SNX9: variants seen among roughly 807,000 people sequenced by gnomAD.
The protein encoded by SNX9 is sorting nexin-9.
Under a neutral mutation model 89.4 loss-of-function variants are expected in SNX9, and 44 were observed. The observed-to-expected ratio is 0.49, with a 90% CI of 0.39 to 0.63. SNX9 has a LOEUF of 0.63. Ranked by LOEUF, SNX9 falls within the 30% of genes least tolerant of loss-of-function variation. The pLI is 0.00. For missense variants in SNX9, 578 were observed against 736.1 expected, an observed-to-expected ratio of 0.79 and a Z score of 2.49; for synonymous variants, 236 against 247.8, an observed-to-expected ratio of 0.95 and a Z score of 0.45.
At chr6:157,914,077 A>G (rs1783407830) in intron 9 of SNX9, among the ~76,000 whole-genome samples, 1 of 152,222 alleles carries the variant, frequency 6.6e-6, no homozygotes, top group Admixed American at 6.5e-5. Context: ...TGTTTTTCAA[A>G]GAAGCTATAC....
intron 1 of SNX9, among the ~76,000 whole-genome samples, chr6:157,866,286 T>C (rs989021200): frequency 1.3e-5 from 2 of 152,136 alleles, no homozygotes; most frequent in African/African-American, 4.8e-5. Context: ...TTATATGAAA[T>C]AAAAATTTCA....
chr6:157,917,250 T>C (rs1783491146), intron 9 of SNX9, among the ~76,000 whole-genome samples: 1 of 152,108 alleles, frequency 6.6e-6, no homozygotes, highest in Non-Finnish European at 1.5e-5. Context: ...TTGTCACCTC[T>C]CTTTTTTTCT....
At chr6:157,897,732 T>C (rs1342660291) in intron 5 of SNX9, among the ~76,000 whole-genome samples, 1 of 152,126 alleles carries the variant, frequency 6.6e-6, no homozygotes, top group East Asian at 1.9e-4. Flanking sequence ...GCCAGGCTGG[T>C]CTCAAACTCC....
chr6:157,863,419 G>A (rs184634443), intron 1 of SNX9, among the ~76,000 whole-genome samples: 17 of 152,312 alleles, frequency 1.1e-4, no homozygotes, highest in Admixed American at 4.6e-4. Context: ...GAACAGATAC[G>A]TGAGATTGAT....
chr6:157,942,456 A>G (rs1270333180), intron 17 of SNX9, among the ~76,000 whole-genome samples: 3 of 152,230 alleles, frequency 2.0e-5, no homozygotes, highest in Non-Finnish European at 4.4e-5. Flanking sequence ...TCCAGGAAAG[A>G]GGGGGCTCTA....
At chr6:157,860,916 C>T (rs531615510) in intron 1 of SNX9, among the ~76,000 whole-genome samples, 1 of 152,180 alleles carries the variant, frequency 6.6e-6, no homozygotes, top group Non-Finnish European at 1.5e-5. Context: ...TGTAATTCTA[C>T]TCAGGGAATT....
In SNX9 at chr6:157,940,887, G is replaced by A; in HGVS notation, c.1653G>A (p.Glu551=). 1 of 1,614,036 alleles carries A rather than the reference G, an allele frequency of 6.2e-7. No homozygotes were observed. The highest frequency in any genetic ancestry group is 8.5e-7 in the Non-Finnish European group (1 of 1,179,922). The change falls in exon 17 of 18, where the codon GAG becomes GAA. Residue 551 remains glutamate, a synonymous_variant. Coordinates refer to ENST00000392185, the MANE Select transcript of SNX9 (RefSeq NM_016224.5). ...VSIMSYALQA[E]MNHFHSNRIY... is the part of the protein sequence containing the mutation. ...ATGTTCTGATTTGGGTTGTAGCTGA[G>A]ATGAATCACTTTCACAGTAACCGGA...
At chr6:157,860,362 C>G (rs1782096259) in intron 1 of SNX9, among the ~76,000 whole-genome samples, 1 of 152,208 alleles carries the variant, frequency 6.6e-6, no homozygotes, top group South Asian at 2.1e-4. Flanking sequence ...GCCATGATTG[C>G]ACCACTGCCC....
chr6:157,831,808 G>T (rs1781484292), intron 1 of SNX9, among the ~76,000 whole-genome samples: 1 of 152,192 alleles, frequency 6.6e-6, no homozygotes, highest in South Asian at 2.1e-4. Flanking sequence ...TTTCAGTCTG[G>T]CAGTGGCTCA....
chr6:157,913,325 A>C, intron 9 of SNX9, among the ~76,000 whole-genome samples: 1 of 150,980 alleles, frequency 6.6e-6, no homozygotes, highest in Non-Finnish European at 1.5e-5. Context: ...TTATTTATTT[A>C]TTTTTGGAGA....
At chr6:157,928,535 C>A in intron 11 of SNX9, 64 bp from the exon 12 acceptor site, 1 of 1,321,050 alleles carries the variant, frequency 7.6e-7, no homozygotes, top group Non-Finnish European at 1.1e-6. Context: ...ATATTTGGCC[C>A]GAGTATCCCC....
rs1395214922 is a variant in SNX9, at chr6:157,879,396, ATCTT to A, written c.300+4225_300+4228del. Among the ~76,000 whole-genome samples the A allele has an allele frequency of 3.9e-5, 6 of 152,166 alleles. No homozygotes were observed. The East Asian group carries it at 9.6e-4, about 24-fold the overall frequency. On this transcript the variant is annotated intron_variant, in intron 4 of 17. Coordinates refer to ENST00000392185, the MANE Select transcript of SNX9 (RefSeq NM_016224.5). The stretch of plus-strand genomic sequence containing the variant: ...AAGGCACCTCAGTATGGGTAATGTT[ATCTT>A]TCTTGTGTTTCAGTGCACACACATA...
intron 16 of SNX9, among the ~76,000 whole-genome samples, chr6:157,940,564 C>T (rs993859134): frequency 4.6e-5 from 7 of 152,190 alleles, no homozygotes; most frequent in African/African-American, 9.7e-5. Context: ...ATTACAGGCA[C>T]CTGTTGCCAT....
chr6:157,849,800 T>C (rs748257241), intron 1 of SNX9, among the ~76,000 whole-genome samples: 4 of 152,136 alleles, frequency 2.6e-5, no homozygotes, highest in Non-Finnish European at 5.9e-5. Flanking sequence ...GGGTCTGTGC[T>C]GGAATGCTGA....
intron 4 of SNX9, among the ~76,000 whole-genome samples, chr6:157,886,014 C>A (rs565859352): frequency 6.6e-6 from 1 of 152,316 alleles, no homozygotes; most frequent in Non-Finnish European, 1.5e-5. Context: ...TCCTTCGAGG[C>A]CTGATGTAGT....
intron 1 of SNX9, among the ~76,000 whole-genome samples, chr6:157,857,940 A>G (rs919776987): frequency 6.6e-6 from 1 of 152,170 alleles, no homozygotes; most frequent in African/African-American, 2.4e-5. Flanking sequence ...TGGACTGACA[A>G]TGCGTGGTTC....
At chr6:157,867,783 A>G in intron 2 of SNX9, 150 bp downstream of exon 2, 1 of 653,568 alleles carries the variant, frequency 1.5e-6, no homozygotes, top group Admixed American at 3.4e-5. Flanking sequence ...TCAAACCCAC[A>G]TGATTTTTTT....
chr6:157,938,470 C>CTT (rs1783970185), intron 15 of SNX9, among the ~76,000 whole-genome samples, 163 bp from the exon 16 acceptor site: 1 of 152,192 alleles, frequency 6.6e-6, no homozygotes, highest in Non-Finnish European at 1.5e-5. Context: ...TTCCAAGGGA[C>CTT]TTGAAGGAAG....
At chr6:157,912,734 T>C (rs531819727) in intron 9 of SNX9, among the ~76,000 whole-genome samples, 1 of 152,336 alleles carries the variant, frequency 6.6e-6, no homozygotes, top group South Asian at 2.1e-4. Flanking sequence ...ACAGTTAACA[T>C]TTCTTTATTT....
Sources: gnomAD v4.1 joint callset for allele counts (sites outside exome capture counted in the v4.1 genomes callset) on GRCh38, gnomAD v4.1.1 for gene constraint, MANE v1.5 for transcripts, NCBI Gene and HGNC (gene_info 2026-07-23, HGNC 2026-07-21) for gene names.